GCFC2: variants seen among roughly 807,000 people sequenced by gnomAD.
GCFC2 encodes the protein GC-rich sequence DNA-binding factor 2.
In GCFC2, 102 loss-of-function variants were observed where a neutral mutation model predicts 99.4. The observed-to-expected ratio is 1.03, with a 90% confidence interval of 0.87 to 1.21. GCFC2 has a LOEUF of 1.21. Among genes scored for constraint, GCFC2 ranks in the 50% most tolerant of loss-of-function variants. The probability of loss-of-function intolerance (pLI) is 0.00; values close to 1 mark genes in which losing one functional copy is unlikely to be tolerated. For missense variants in GCFC2, 973 were observed against 920.9 expected (o/e 1.06, Z -0.73); for synonymous variants, 338 against 316.8 (o/e 1.07, Z -0.71).
intron 7 of GCFC2, among the ~76,000 whole-genome samples, chr2:75,691,625 T>C (rs987589295): frequency 6.6e-6 from 1 of 152,150 alleles, no homozygotes; most frequent in African/African-American, 2.4e-5. Context: ...AAAATCTGTA[T>C]TGAAACTCAC....
intron 13 of GCFC2, among the ~76,000 whole-genome samples, chr2:75,672,921 C>T (rs1384537053): frequency 3.3e-5 from 5 of 152,192 alleles, no homozygotes; most frequent in Admixed American, 2.6e-4. Flanking sequence ...TTCATCTAAG[C>T]GCCAAGATAA....
intron 11 of GCFC2, among the ~76,000 whole-genome samples, 184 bp downstream of exon 11, chr2:75,687,643 A>G (rs1249664322): frequency 1.3e-5 from 2 of 152,206 alleles, no homozygotes; most frequent in African/African-American, 4.8e-5. Flanking sequence ...TTTGGTAGCC[A>G]ACCACCTGTA....
intron 10 of GCFC2, 56 bp downstream of exon 10, chr2:75,688,970 G>A: frequency 2.1e-6 from 2 of 960,184 alleles, no homozygotes; most frequent in East Asian, 2.5e-5. Flanking sequence ...CAATAGTAAG[G>A]GAATTTAAGC....
Position 75,706,785 on chromosome 2 carries a change from G to C in GCFC2, c.266-134C>G, listed in dbSNP as rs1680889876. 8.1e-6 allele frequency: 4 copies of C among 491,774 alleles called. No individual in the cohort carries two copies. The East Asian group carries it at 9.6e-5, about 12-fold the overall frequency. The allele number at this position is 491,774 out of a possible 1,614,324, so 30.5% of individuals were successfully genotyped here. The stretch of plus-strand genomic sequence containing the variant: ...GTCCATATATTAAAGTAGACATATT[G>C]ATCTTCCTCCAACTTTCTTTCTTAA... On this transcript the variant is annotated intron_variant, in intron 1 of 16. Coordinates refer to ENST00000321027, the MANE Select transcript of GCFC2 (RefSeq NM_003203.5).
At position 75,696,300 on chromosome 2, in the gene GCFC2, G is replaced by A. The variant is rs1466538086; in HGVS notation, c.733C>T (p.Leu245Phe). 5 of 1,335,090 alleles carry A rather than the reference G, an allele frequency of 3.7e-6. No homozygotes were observed. The highest frequency in any genetic ancestry group is 3.5e-5 in the Admixed American group (2 of 57,210). The allele number at this position is 1,335,090 out of a possible 1,614,324, so 82.7% of individuals were successfully genotyped here. A position where few individuals can be genotyped will look rare whatever the true frequency, so the allele number is the denominator to read the frequency against. Residue 245 changes from leucine to phenylalanine, a missense_variant, in exon 5 of 17, where the codon CTT becomes TTT. Transcript: ENST00000321027. ...VKIIEERDIDLSCGNGSSKVK... is the reference protein window; with the variant it reads ...VKIIEERDIDFSCGNGSSKVK... ...TTTGAAGATCCATTGCCACAGGAAA[G>A]ATCTATGTCTCTTTCCTAAAAAAGT...
intron 2 of GCFC2, among the ~76,000 whole-genome samples, chr2:75,705,130 T>C (rs933907992): frequency 1.5e-4 from 23 of 152,322 alleles, no homozygotes; most frequent in African/African-American, 3.4e-4. Flanking sequence ...ACAGTGAAGA[T>C]AGAAAATTTT....
At chr2:75,681,029 G>A (rs754099229) in intron 11 of GCFC2, among the ~76,000 whole-genome samples, 11 of 152,146 alleles carry the variant, frequency 7.2e-5, no homozygotes, top group Non-Finnish European at 1.2e-4. Context: ...CCAGAACACT[G>A]TCCTTCCACT....
intron 4 of GCFC2, among the ~76,000 whole-genome samples, chr2:75,696,885 ACG>A (rs1377491935): frequency 1.3e-5 from 2 of 152,008 alleles, no homozygotes; most frequent in African/African-American, 4.8e-5. Context: ...TCCTGGGTTC[ACG>A]CCATTCTCCT....
rs533688397 is a variant in GCFC2 at position 75,698,299 on chromosome 2, G to A, written c.718-1984C>T. ...ATCTCGATTAGTAATACAACTCTTG[G>A]CAATTATTACAAAGGAATAGTTCAA... On this transcript the variant is annotated intron_variant, in intron 4 of 16. Transcript: ENST00000321027. Among the ~76,000 whole-genome samples the A allele has an allele frequency of 9.9e-5, 15 of 152,108 alleles. No homozygotes were observed. In the East Asian group the frequency reaches 2.7e-3, roughly 27 times the overall value.
In GCFC2 at chr2:75,702,387, C is replaced by A; in HGVS notation, c.431G>T (p.Arg144Leu). The A allele has an allele frequency of 6.2e-7, 1 of 1,612,614 alleles. No individual in the cohort carries two copies. Among genetic ancestry groups the A allele is most frequent in the South Asian group, 1.1e-5 (1 of 91,014 alleles). ...IPDAAFIQAARRKRELARAQD... is the reference protein window; with the variant it reads ...IPDAAFIQAALRKRELARAQD... ...GGCCCTGGCCAATTCACGTTTTCTG[C>A]GGGCTGCCTGAATAAAAGCTGCATC... Residue 144 changes from arginine (R) to leucine (L), a missense_variant, in exon 3 of 17, where the codon CGC (arginine) becomes CTC (leucine). Arg to Leu is a moderately radical substitution (Grantham distance 102, BLOSUM62 -2). Transcript: ENST00000321027.
chr2:75,710,851 G>T lies in GCFC2; in HGVS notation c.5C>A (p.Ala2Asp). Residue 2 changes from alanine to aspartate, a missense_variant, in exon 1 of 17, where the codon GCT becomes GAT. Physicochemically the swap from Ala to Asp is moderately radical, Grantham distance 126. Coordinates refer to ENST00000321027, the MANE Select transcript of GCFC2 (RefSeq NM_003203.5). ...CCGAAAAGTCCTTTTCGGCCTGTGA[G>T]CCATGGCCGAGGCCCGAGCGCCCGG... Reference protein sequence around the residue: MAHRPKRTFRQR... With the variant: MDHRPKRTFRQR... 1 of 1,566,044 alleles carries T rather than the reference G, an allele frequency of 6.4e-7. No homozygotes were observed. The highest frequency in any genetic ancestry group is 2.5e-5 in the East Asian group (1 of 40,700).
intron 2 of GCFC2, among the ~76,000 whole-genome samples, chr2:75,704,086 G>A (rs7609420): frequency 0.074 from 11,231 of 152,210 alleles, 1,331 homozygotes; most frequent in African/African-American, 0.26. Flanking sequence ...CCTCGTTCAA[G>A]GGTTCTCACA....
intron 1 of GCFC2, among the ~76,000 whole-genome samples, chr2:75,708,222 T>G (rs1388684709): frequency 6.6e-6 from 1 of 152,160 alleles, no homozygotes; most frequent in Non-Finnish European, 1.5e-5. Context: ...AAGTGAAAAT[T>G]GAGATTTTGG....
At chr2:75,675,154 C>A (rs559688459) in intron 12 of GCFC2, among the ~76,000 whole-genome samples, 1 of 152,158 alleles carries the variant, frequency 6.6e-6, no homozygotes, top group East Asian at 1.9e-4. Flanking sequence ...AATCAACTGG[C>A]AAAAGTGGAA....
chr2:75,683,771 CAAAAAAAA>C (rs749580096), intron 11 of GCFC2, among the ~76,000 whole-genome samples: 8 of 60,424 alleles, frequency 1.3e-4, no homozygotes, highest in Admixed American at 4.5e-4. Context: ...AAATGGAAAG[CAAAAAAAA>C]AAAAAAAAAA....
At chr2:75,670,314 C>G in intron 14 of GCFC2, 30 bp from the exon 15 acceptor site, 1 of 1,479,092 alleles carries the variant, frequency 6.8e-7, no homozygotes, top group Non-Finnish European at 9.4e-7. Flanking sequence ...AAATATGTAC[C>G]TTTTCTCCAA....
At chr2:75,670,117 C>G in intron 15 of GCFC2, 21 bp downstream of exon 15, 1 of 1,506,286 alleles carries the variant, frequency 6.6e-7, no homozygotes, top group Non-Finnish European at 9.1e-7. Context: ...AAATTAGAAT[C>G]AGTCTTCCTT....
intron 12 of GCFC2, among the ~76,000 whole-genome samples, chr2:75,675,313 G>C (rs975958184): frequency 6.6e-6 from 1 of 152,188 alleles, no homozygotes; most frequent in Non-Finnish European, 1.5e-5. Flanking sequence ...AAATGGAAGG[G>C]CTAATGATAA....
intron 12 of GCFC2, among the ~76,000 whole-genome samples, chr2:75,675,756 A>C (rs1558734448): frequency 8.0e-6 from 1 of 124,522 alleles, no homozygotes; most frequent in Non-Finnish European, 1.9e-5. Flanking sequence ...AAAAAAAAAA[A>C]AACAAAAAAA....
Sources: allele counts gnomAD v4.1 joint callset (sites outside exome capture counted in the v4.1 genomes callset), GRCh38; gene constraint gnomAD v4.1.1; transcripts MANE v1.5; gene names NCBI Gene and HGNC (gene_info 2026-07-23, HGNC 2026-07-21).